The following NONO variants were observed in gnomAD, a reference collection of about 807,000 sequenced individuals.
The protein encoded by NONO is non-POU domain containing octamer binding.
In NONO, 6 loss-of-function variants were observed where a neutral mutation model predicts 40.2. The observed-to-expected ratio is 0.15, with a 90% CI of 0.08 to 0.29. The LOEUF is 0.29. NONO is among the 10% of genes least tolerant of loss of function. The pLI, the probability that NONO is intolerant of heterozygous loss-of-function variation, is 1.00. For missense variants in NONO, 133 were observed against 397.8 expected (o/e 0.33, Z 5.66); for synonymous variants, 89 against 123.3 (o/e 0.72, Z 1.85).
chrX:71,293,192 A>G (rs934858698), intron 4 of NONO, among the ~76,000 whole-genome samples: 1 of 112,025 alleles, frequency 8.9e-6, no homozygotes, highest in Non-Finnish European at 1.9e-5. Context: ...TTCTCTGGGT[A>G]TCAGGTTTCT....
intron 2 of NONO, among the ~76,000 whole-genome samples, chrX:71,285,636 A>G (rs2031171891): frequency 8.9e-6 from 1 of 112,412 alleles, no homozygotes. Context: ...TGAACTTTAT[A>G]TAGTCATTAA....
intron 8 of NONO, 80 bp downstream of exon 8, chrX:71,297,541 C>A: frequency 1.4e-6 from 1 of 715,711 alleles, no homozygotes; most frequent in Non-Finnish European, 2.1e-6. Context: ...CATGCTACCT[C>A]GTGTATTTAT....
At chrX:71,289,416 C>T (rs1473984188) in intron 2 of NONO, among the ~76,000 whole-genome samples, 1 of 108,703 alleles carries the variant, frequency 9.2e-6, no homozygotes, top group Non-Finnish European at 1.9e-5. Flanking sequence ...CTCAGCCTCC[C>T]GAATAGCCAG....
chrX:71,299,998 A>G lies in NONO; in HGVS notation c.1338A>G (p.Ala446=), dbSNP rs2031542628. Residue 446 remains alanine, a synonymous_variant, in exon 12 of 12, where the codon GCA becomes GCG. Transcript: ENST00000276079. ...GQAATMEGIG[A]IGGTPPAFNR... is the part of the protein sequence containing the mutation. ...CTGCTACAATGGAAGGAATTGGGGC[A>G]ATTGGTGGAACTCCTCCTGCATTCA... The G allele has an allele frequency of 8.3e-7, 1 of 1,209,430 alleles. No homozygotes were observed. Among genetic ancestry groups the G allele is most frequent in the Non-Finnish European group, 1.1e-6 (1 of 894,908 alleles).
Position 71,284,451 on chromosome X carries a change from GAGGT to G in NONO, c.-10+3_-10+6del, listed in dbSNP as rs1414611789. On this transcript the variant is annotated splice_donor_variant and 5_prime_UTR_variant, in exon 2 of 12. Coordinates refer to ENST00000276079, the MANE Select transcript of NONO (RefSeq NM_007363.5). LOFTEE classifies it low-confidence loss of function (5UTR_SPLICE). ...CACTTTGCTGTCTGCAATCGAAGTT[GAGGT>G]AGGTGTAAGGAAGGGATAGGGTTGC... 8.9e-6 allele frequency: 1 copy of G among 111,993 alleles called. No homozygotes were observed. The highest frequency in any genetic ancestry group is 3.2e-5 in the African/African-American group (1 of 30,808). 9.2% of individuals were successfully genotyped at this position (111,993 alleles called of 1,213,427 possible). A position where few individuals can be genotyped will look rare whatever the true frequency, so the allele number is the denominator to read the frequency against.
chrX:71,298,311 A>G (rs2031497441), intron 9 of NONO, 158 bp from the exon 10 acceptor site: 1 of 517,212 alleles, frequency 1.9e-6, no homozygotes, highest in African/African-American at 2.3e-5. Flanking sequence ...GTGACCTTGA[A>G]TTTGTTGCAC....
chrX:71,290,868 G>A (rs771219893), intron 3 of NONO, 77 bp downstream of exon 3: 7 of 1,004,625 alleles, frequency 7.0e-6, no homozygotes, highest in African/African-American at 2.0e-5. Flanking sequence ...TTAGTTTCTC[G>A]GGCTTATAAG....
At chrX:71,292,678 G>T (rs374107994) in intron 4 of NONO, 1 of 112,115 alleles carries the variant, frequency 8.9e-6, no homozygotes, top group East Asian at 2.8e-4. Flanking sequence ...TCACCATGTT[G>T]CCTTGGCTAG....
Position 71,294,352 on chromosome X carries a change from T to C in NONO, c.474T>C (p.Tyr158=). ...ASLTVRNLPQ[Y]VSNELLEEAF... Reference sequence around the variant, plus strand: ...TTACAGTTCGAAACCTTCCTCAGTATGTGTCCAACGAACTGCTGGAAGAAG... The same window carrying C: ...TTACAGTTCGAAACCTTCCTCAGTACGTGTCCAACGAACTGCTGGAAGAAG... The change falls in exon 5 of 12, where the codon TAT becomes TAC. Residue 158 remains tyrosine, a synonymous_variant. Transcript: ENST00000276079. 8.3e-7 allele frequency: 1 copy of C among 1,211,922 alleles called. No individual in the cohort carries two copies.
At chrX:71,291,738 T>C (rs2031332282) in intron 3 of NONO, 41 bp from the exon 4 acceptor site, 16 of 1,006,523 alleles carry the variant, frequency 1.6e-5, no homozygotes, top group Non-Finnish European at 2.1e-5. Flanking sequence ...ACTATAATTC[T>C]ATTTCCCCAG....
chrX:71,286,754 T>C (rs1001491023), intron 2 of NONO, among the ~76,000 whole-genome samples: 8 of 112,172 alleles, frequency 7.1e-5, no homozygotes, highest in African/African-American at 2.6e-4. Flanking sequence ...TTTTATTGTT[T>C]TCTTACCATA....
chrX:71,296,896 G>A lies in NONO; in HGVS notation c.792G>A (p.Glu264=), dbSNP rs1387336074. 6 of 1,208,774 alleles carry A rather than the reference G, an allele frequency of 5.0e-6. No homozygotes were observed. The highest frequency in any genetic ancestry group is 6.7e-6 in the Non-Finnish European group (6 of 894,847). Residue 264 remains glutamate, a synonymous_variant, in exon 7 of 12, where the codon GAG becomes GAA. Coordinates refer to ENST00000276079, the MANE Select transcript of NONO (RefSeq NM_007363.5). ...GATTTGCACAGCCTGGCTCCTTTGA[G>A]TATGAATATGCCATGCGCTGGAAGG... ...PPRFAQPGSF[E]YEYAMRWKAL...
At position 71,298,502 on chromosome X, in the gene NONO, A is replaced by G. The variant is rs766316529; in HGVS notation, c.1165A>G (p.Met389Val). 8.3e-7 allele frequency: 1 copy of G among 1,208,589 alleles called. No individual in the cohort carries two copies. ...GGAGATTCGGATGGGTCAGATGGCT[A>G]TGGGAGGTAAGGACTTAGGAGGTTA... ...EQEIRMGQMA[M>V]GGAMGINNRG... Residue 389 changes from methionine to valine, a missense_variant, in exon 10 of 12, where the codon ATG becomes GTG. By Grantham distance (21) the Met-to-Val change is conservative. This residue lies in a region of NONO where 73 missense variants were observed against 162.2 expected (regional missense o/e 0.45). Coordinates refer to ENST00000276079, the MANE Select transcript of NONO (RefSeq NM_007363.5).
chrX:71,284,167 C>T (rs1161657968), intron 1 of NONO: 1 of 112,191 alleles, frequency 8.9e-6, no homozygotes, highest in Non-Finnish European at 1.9e-5. Context: ...ATTTCTTTGT[C>T]AAAACTCTTA....
Position 71,298,725 on chromosome X carries a change from A to G in NONO, c.1190A>G (p.Asn397Ser). 3 of 1,208,841 alleles carry G rather than the reference A, an allele frequency of 2.5e-6. No individual in the cohort carries two copies. The highest frequency in any genetic ancestry group is 3.4e-6 in the Non-Finnish European group (3 of 893,637). The change falls in exon 11 of 12, where the codon AAC becomes AGC. Residue 397 changes from asparagine to serine, a missense_variant. Transcript: ENST00000276079. ...GCCTTAGGTGCTATGGGCATAAACAACAGAGGTGCCATGCCCCCTGCTCCT... is the reference window on the plus strand; with the variant it reads ...GCCTTAGGTGCTATGGGCATAAACAGCAGAGGTGCCATGCCCCCTGCTCCT... ...MAMGGAMGINNRGAMPPAPVP... is the reference protein window; with the variant it reads ...MAMGGAMGINSRGAMPPAPVP...
intron 4 of NONO, chrX:71,293,965 G>A: frequency 2.8e-6 from 1 of 356,053 alleles, no homozygotes; most frequent in Non-Finnish European, 4.9e-6. Flanking sequence ...TGTTGTCATT[G>A]GGAGAATAAT....
In NONO at chrX:71,297,502, G is replaced by A. The variant is rs188526486; in HGVS notation, c.1028+41G>A. ...CACTTTTTCCCTAACAACTCTAAAA[G>A]GTAATGTCTCACTCCTCTTTCCTAC... is the stretch of plus-strand genomic sequence containing the variant. On this transcript the variant is annotated intron_variant, in intron 8 of 11. Coordinates refer to ENST00000276079, the MANE Select transcript of NONO (RefSeq NM_007363.5). 1.9e-3 allele frequency: 1,848 copies of A among 976,234 alleles called. 26 individuals are homozygous for A. The African/African-American group carries it at 0.029, about 15-fold the overall frequency. The allele number at this position is 976,234 out of a possible 1,213,427, so 80.5% of individuals were successfully genotyped here.
chrX:71,295,808 G>A (rs1333350038), intron 5 of NONO, among the ~76,000 whole-genome samples: 1 of 111,772 alleles, frequency 8.9e-6, no homozygotes, highest in African/African-American at 3.2e-5. Context: ...AAAGACTTTT[G>A]GTACTAAGCT....
At chrX:71,295,256 C>T (rs1020895049) in intron 5 of NONO, among the ~76,000 whole-genome samples, 6 of 103,306 alleles carry the variant, frequency 5.8e-5, no homozygotes, top group East Asian at 3.0e-4. Context: ...TTGGCCCAGG[C>T]GGGACAGATC....
Sources: allele counts gnomAD v4.1 joint callset (sites outside exome capture counted in the v4.1 genomes callset), GRCh38; gene constraint gnomAD v4.1.1; regional missense constraint gnomAD v4.1.1; transcripts MANE v1.5; gene names NCBI Gene and HGNC (gene_info 2026-07-23, HGNC 2026-07-21).